The following ANO4 variants were observed in gnomAD, a reference collection of about 807,000 sequenced individuals.
ANO4 encodes anoctamin 4.
Under a neutral mutation model 141.9 loss-of-function variants are expected in ANO4, and 69 were observed. The ratio of observed to expected loss-of-function variants is 0.49; its 90% CI spans 0.40 to 0.59. The LOEUF is 0.59. Among genes scored for constraint, ANO4 ranks in the 20% least tolerant of loss-of-function variants. The pLI is 0.00. For missense variants in ANO4, 894 were observed against 1,162.2 expected (o/e 0.77, Z 3.36); for synonymous variants, 350 against 394.3 (o/e 0.89, Z 1.33).
chr12:100,976,915 T>C (rs1015092719), intron 7 of ANO4, among the ~76,000 whole-genome samples: 3 of 152,216 alleles, frequency 2.0e-5, no homozygotes, highest in Admixed American at 6.5e-5. Context: ...AGAAGTCTTA[T>C]TCTTGTTTGG....
In ANO4 at chr12:100,783,822, G is replaced by A. The variant is rs184353272; in HGVS notation, c.358+43717G>A. ...GTGATGTACCCTGGGTGTTGCTGCA[G>A]AAAAACCTCACATCTCTGTGATCTT... On this transcript the variant is annotated intron_variant, in intron 3 of 29. Transcript: ENST00000644049. Among the ~76,000 whole-genome samples, 3 of 152,262 alleles carry A rather than the reference G, an allele frequency of 2.0e-5. No individual in the cohort carries two copies. In the East Asian group the frequency reaches 5.8e-4, roughly 29 times the overall value.
Position 100,739,985 on chromosome 12 carries a change from C to T in ANO4, c.238C>T (p.Arg80Ter), listed in dbSNP as rs765845185. 19 of 702,404 alleles carry T rather than the reference C, an allele frequency of 2.7e-5. No homozygotes were observed. Among genetic ancestry groups the T allele is most frequent in the Middle Eastern group, 4.6e-4 (2 of 4,384 alleles). The allele number at this position is 702,404 out of a possible 1,614,324, so 43.5% of individuals were successfully genotyped here. The change falls in exon 3 of 30, where the codon CGA (arginine) becomes TGA (stop). Residue 80 changes from arginine (R) to a stop codon, truncating the protein, a stop_gained. Coordinates refer to the ANO4 transcript ENST00000644049. LOFTEE classifies it high-confidence loss of function. ...AGATGCAGGCATCCCTGTGTACCAC[C>T]GATCCTTCACCCGCAAGACTGACCA...
chr12:101,014,223 T>C (rs946479856), intron 8 of ANO4, among the ~76,000 whole-genome samples: 3 of 152,194 alleles, frequency 2.0e-5, no homozygotes, highest in Non-Finnish European at 4.4e-5. Flanking sequence ...AACACTACTG[T>C]GGACAGTTGG....
At chr12:101,025,628 C>T (rs1011061566) in intron 9 of ANO4, among the ~76,000 whole-genome samples, 3 of 152,186 alleles carry the variant, frequency 2.0e-5, no homozygotes, top group Non-Finnish European at 2.9e-5. Context: ...CCTCATAATT[C>T]ACAGAGCAGT....
intron 1 of ANO4, among the ~76,000 whole-genome samples, chr12:100,822,530 C>T (rs1026695837): frequency 3.9e-5 from 6 of 151,978 alleles, no homozygotes; most frequent in South Asian, 2.1e-4. Flanking sequence ...TACATACACA[C>T]GCACATACAC....
intron 1 of ANO4, among the ~76,000 whole-genome samples, chr12:100,894,238 T>G (rs1353416516): frequency 6.6e-6 from 1 of 152,084 alleles, no homozygotes; most frequent in African/African-American, 2.4e-5. Flanking sequence ...AGCCTGACAC[T>G]AAGTGAGAAG....
At chr12:101,069,844 T>C (rs997378085) in intron 14 of ANO4, among the ~76,000 whole-genome samples, 18 of 152,282 alleles carry the variant, frequency 1.2e-4, no homozygotes, top group African/African-American at 3.8e-4. Context: ...TGGAAACTGA[T>C]AATGTGGTCT....
intron 1 of ANO4, among the ~76,000 whole-genome samples, chr12:100,796,547 G>A (rs1316495407): frequency 3.4e-5 from 5 of 146,444 alleles, no homozygotes; most frequent in South Asian, 4.2e-4. Flanking sequence ...AAAAGCATAC[G>A]TTTAAATAAA....
intron 1 of ANO4, among the ~76,000 whole-genome samples, chr12:100,820,348 G>A (rs1305941884): frequency 9.7e-5 from 5 of 51,694 alleles, no homozygotes; most frequent in Admixed American, 2.9e-4. Flanking sequence ...CAAGAAAGTC[G>A]GTTTCTCAAA....
intron 3 of ANO4, among the ~76,000 whole-genome samples, chr12:100,931,732 C>A (rs898591242): frequency 2.0e-5 from 3 of 152,072 alleles, no homozygotes; most frequent in Non-Finnish European, 4.4e-5. Flanking sequence ...ATTTTCAAGC[C>A]ATCTTACTAA....
chr12:100,923,503 A>G (rs1312454809), intron 3 of ANO4, among the ~76,000 whole-genome samples: 8 of 152,126 alleles, frequency 5.3e-5, no homozygotes, highest in African/African-American at 1.9e-4. Context: ...TCCATGGTGT[A>G]TATGTGCCAC....
At chr12:100,983,750 T>C (rs2044587143) in intron 7 of ANO4, among the ~76,000 whole-genome samples, 1 of 152,178 alleles carries the variant, frequency 6.6e-6, no homozygotes, top group African/African-American at 2.4e-5. Context: ...CTTTCAAAGG[T>C]CTCATGTGGT....
At chr12:100,845,736 G>A (rs898628491) in intron 1 of ANO4, among the ~76,000 whole-genome samples, 9 of 151,810 alleles carry the variant, frequency 5.9e-5, no homozygotes, top group Non-Finnish European at 1.3e-4. Flanking sequence ...AGGAAAGGGG[G>A]AATAAATGAA....
intron 16 of ANO4, among the ~76,000 whole-genome samples, chr12:101,085,671 A>T (rs1258490160): frequency 1.3e-5 from 2 of 152,166 alleles, no homozygotes; most frequent in Non-Finnish European, 2.9e-5. Flanking sequence ...GAGAAAGAAG[A>T]TATGCTGTAT....
chr12:100,725,502 A>G (rs2031076333), intron 1 of ANO4, among the ~76,000 whole-genome samples: 1 of 151,662 alleles, frequency 6.6e-6, no homozygotes, highest in East Asian at 1.9e-4. Context: ...GCCCACCACC[A>G]CGCCCGGCTA....
chr12:100,992,129 C>A (rs1371989784), intron 8 of ANO4, among the ~76,000 whole-genome samples: 1 of 152,228 alleles, frequency 6.6e-6, no homozygotes, highest in African/African-American at 2.4e-5. Flanking sequence ...AATAATATAA[C>A]AGGTCTCCCT....
chr12:100,923,175 T>C (rs1454135235), intron 3 of ANO4, among the ~76,000 whole-genome samples: 1 of 152,144 alleles, frequency 6.6e-6, no homozygotes, highest in Admixed American at 6.6e-5. Flanking sequence ...CTAGGGTACG[T>C]GTGAACAACG....
In ANO4 at chr12:101,021,940, G is replaced by A. The variant is rs551995181; in HGVS notation, c.841+1800G>A. Among the ~76,000 whole-genome samples, 5 of 150,976 alleles carry A rather than the reference G, an allele frequency of 3.3e-5. No individual in the cohort carries two copies. In the South Asian group the frequency reaches 1.1e-3, roughly 32 times the overall value. ...CAAATTCAGCAAAACAACTACCTTG[G>A]TACAGTGTGGGAGAAATGTTGCTCA... On this transcript the variant is annotated intron_variant, in intron 9 of 27. Coordinates refer to ENST00000392977, the MANE Select transcript of ANO4 (RefSeq NM_001286615.2).
At chr12:101,106,863 T>A (rs989006143) in intron 22 of ANO4, among the ~76,000 whole-genome samples, 3 of 148,500 alleles carry the variant, frequency 2.0e-5, no homozygotes, top group African/African-American at 7.6e-5. Flanking sequence ...AAAATTAATC[T>A]ACCTCTATGC....
Sources: allele counts gnomAD v4.1 joint callset (sites outside exome capture counted in the v4.1 genomes callset), GRCh38; gene constraint gnomAD v4.1.1; transcripts MANE v1.5; gene names NCBI Gene and HGNC (gene_info 2026-07-23, HGNC 2026-07-21).